WWOX: variants seen among roughly 807,000 people sequenced by gnomAD.
WWOX encodes the protein WW domain-containing oxidoreductase.
Under a neutral mutation model 46.2 loss-of-function variants are expected in WWOX, and 69 were observed. The ratio of observed to expected loss-of-function variants is 1.49; its 90% CI spans 1.23 to 1.82. WWOX has a LOEUF of 1.82. Ranked by LOEUF, WWOX falls within the 40% of genes most tolerant of loss-of-function variation. The pLI is 0.00. For synonymous variants in WWOX, 359 were observed against 202.6 expected, an observed-to-expected ratio of 1.77 and a Z score of -6.56; for missense variants, 919 against 542.6, an observed-to-expected ratio of 1.69 and a Z score of -6.89.
chr16:78,420,374 A>G (rs912265565), intron 6 of WWOX, among the ~76,000 whole-genome samples: 4 of 152,180 alleles, frequency 2.6e-5, no homozygotes, highest in Admixed American at 1.3e-4. Context: ...CCAAATATCC[A>G]TCATTGGTGA....
At chr16:78,679,815 A>AG (rs1182211907) in intron 8 of WWOX, among the ~76,000 whole-genome samples, 1 of 152,212 alleles carries the variant, frequency 6.6e-6, no homozygotes, top group African/African-American at 2.4e-5. Context: ...GCCTGCAGAA[A>AG]GAGACACTCA....
chr16:78,370,257 A>G (rs1482428713), intron 5 of WWOX, among the ~76,000 whole-genome samples: 1 of 152,060 alleles, frequency 6.6e-6, no homozygotes, highest in African/African-American at 2.4e-5. Flanking sequence ...TCTCTGCTTC[A>G]GTTTGCTCCT....
intron 8 of WWOX, among the ~76,000 whole-genome samples, chr16:79,123,485 C>T (rs547076721): frequency 6.6e-6 from 1 of 152,088 alleles, no homozygotes. Flanking sequence ...CTGATCTAGG[C>T]TCATTCATAC....
intron 8 of WWOX, 62 bp from the exon 9 acceptor site, chr16:79,211,546 T>G: frequency 1.2e-6 from 2 of 1,609,376 alleles, no homozygotes; most frequent in Non-Finnish European, 1.7e-6. Flanking sequence ...GCAGTCGAAA[T>G]GACGCCATCT....
rs1047682495 is a variant in WWOX, at chr16:78,500,299, C to T, written c.1056+67547C>T. On this transcript the variant is annotated intron_variant, in intron 8 of 8. Coordinates refer to ENST00000566780, the MANE Select transcript of WWOX (RefSeq NM_016373.4). ...TTGCTGTGGTTCCTAAGTCTCCATT[C>T]CGCTTGCCAAGATTAAATTGAATTA... Among the ~76,000 whole-genome samples the T allele has an allele frequency of 2.6e-5, 4 of 152,214 alleles. No homozygotes were observed. In the South Asian group the frequency reaches 6.2e-4, roughly 24 times the overall value.
At chr16:79,023,213 C>T (rs993351733) in intron 8 of WWOX, among the ~76,000 whole-genome samples, 5 of 152,198 alleles carry the variant, frequency 3.3e-5, no homozygotes, top group African/African-American at 1.2e-4. Context: ...GGAAAACAGT[C>T]CATCTTGTTG....
At chr16:78,995,934 G>A (rs1038842625) in intron 8 of WWOX, among the ~76,000 whole-genome samples, 1 of 152,132 alleles carries the variant, frequency 6.6e-6, no homozygotes, top group Admixed American at 6.5e-5. Flanking sequence ...GTGACAGTTC[G>A]ATTAATTTAT....
chr16:78,815,388 C>G (rs189772937), intron 8 of WWOX, among the ~76,000 whole-genome samples: 1 of 152,086 alleles, frequency 6.6e-6, no homozygotes, highest in African/African-American at 2.4e-5. Context: ...GCTGTTCCTG[C>G]TGTTACTAAC....
Position 78,884,273 on chromosome 16 carries a change from C to CAAAAAAAA in WWOX, c.1057-327322_1057-327315dup, listed in dbSNP as rs71384384. Among the ~76,000 whole-genome samples the CAAAAAAAA allele has an allele frequency of 1.5e-4, 7 of 46,598 alleles. 1 individual carries two copies. The highest frequency in any genetic ancestry group is 1.0e-3 in the East Asian group (2 of 1,986). The allele number at this position is 46,598 out of a possible 152,430, so 30.6% of individuals were successfully genotyped here. A position where few individuals can be genotyped will look rare whatever the true frequency, so the allele number is the denominator to read the frequency against. ...GGGTGACAGAGTGAGACCCTGTCTCCAAAAAAAAAAAAAAAAAAAACAAAA... is the reference window on the plus strand; with the variant it reads ...GGGTGACAGAGTGAGACCCTGTCTCCAAAAAAAAAAAAAAAAAAAAAAAAAAAACAAAA... On this transcript the variant is annotated intron_variant, in intron 8 of 8. Coordinates refer to ENST00000566780, the MANE Select transcript of WWOX (RefSeq NM_016373.4).
chr16:78,642,298 G>C (rs567948589), intron 8 of WWOX, among the ~76,000 whole-genome samples: 3 of 152,292 alleles, frequency 2.0e-5, no homozygotes, highest in South Asian at 4.1e-4. Context: ...GGAGGATAAA[G>C]GATAGGACTA....
Position 78,119,421 on chromosome 16 carries a change from C to T in WWOX, c.409+4267C>T, listed in dbSNP as rs549746437. 6.4e-4 allele frequency among the ~76,000 whole-genome samples: 97 copies of T among 152,254 alleles called. 1 individual carries two copies. Among genetic ancestry groups the T allele is most frequent in the African/African-American group, 2.2e-3 (91 of 41,520 alleles). On this transcript the variant is annotated intron_variant, in intron 4 of 8. Transcript: ENST00000566780. ...AGTATAAAATGCTGCCCCCTGCTAC[C>T]TGCAGGCTGACATGTTGCTCATCAA...
intron 6 of WWOX, among the ~76,000 whole-genome samples, chr16:78,398,679 T>C (rs2082343560): frequency 6.6e-6 from 1 of 152,234 alleles, no homozygotes; most frequent in Non-Finnish European, 1.5e-5. Context: ...ATCTTGGTCT[T>C]AGCTTGTAAT....
chr16:78,254,503 T>TTTTTTTTG (rs1555509555), intron 5 of WWOX, among the ~76,000 whole-genome samples: 1 of 28,948 alleles, frequency 3.5e-5, no homozygotes, highest in Admixed American at 3.1e-4. Flanking sequence ...TTCTTTCTTG[T>TTTTTTTTG]TTTTTTTTTT....
chr16:79,048,767 G>T (rs2048112373), intron 8 of WWOX, among the ~76,000 whole-genome samples: 1 of 152,176 alleles, frequency 6.6e-6, no homozygotes, highest in Non-Finnish European at 1.5e-5. Flanking sequence ...GCCAGTGGAG[G>T]CAGGAGCCTC....
At chr16:78,268,433 G>A (rs895792915) in intron 5 of WWOX, among the ~76,000 whole-genome samples, 2 of 152,206 alleles carry the variant, frequency 1.3e-5, no homozygotes, top group African/African-American at 4.8e-5. Context: ...CAGGAAAAGA[G>A]CTAACCTTTG....
intron 8 of WWOX, among the ~76,000 whole-genome samples, chr16:79,094,162 G>A (rs775486127): frequency 6.6e-6 from 1 of 151,692 alleles, no homozygotes; most frequent in Non-Finnish European, 1.5e-5. Flanking sequence ...TGCATGTAGG[G>A]TTGCTTGCAA....
At chr16:78,749,295 C>T (rs1328856575) in intron 8 of WWOX, among the ~76,000 whole-genome samples, 1 of 152,166 alleles carries the variant, frequency 6.6e-6, no homozygotes, top group East Asian at 1.9e-4. Context: ...GTTCAATCCT[C>T]TTCCCTACAG....
At chr16:79,000,428 C>G (rs1418845166) in intron 8 of WWOX, among the ~76,000 whole-genome samples, 1 of 152,170 alleles carries the variant, frequency 6.6e-6, no homozygotes, top group Non-Finnish European at 1.5e-5. Flanking sequence ...GAAAGATCAT[C>G]CTGGATTATC....
At position 79,212,209 on chromosome 16, in the gene WWOX, G is replaced by GAAAA. The variant is rs2051788009; in HGVS notation, c.*415_*418dup. 6.9e-7 allele frequency: 1 copy of GAAAA among 1,440,278 alleles called. No homozygotes were observed. The highest frequency in any genetic ancestry group is 1.4e-5 in the African/African-American group (1 of 69,802). The allele number at this position is 1,440,278 out of a possible 1,614,324, so 89.2% of individuals were successfully genotyped here. A position where few individuals can be genotyped will look rare whatever the true frequency, so the allele number is the denominator to read the frequency against. The stretch of plus-strand genomic sequence containing the variant: ...GGCTGGCCTTCTCCTACTTAGGGAA[G>GAAAA]AAAAAGCAAGTGTTCACTGCTCCTT... On this transcript the variant is annotated 3_prime_UTR_variant, in exon 9 of 9. Transcript: ENST00000566780.
Sources: allele counts gnomAD v4.1 joint callset (sites outside exome capture counted in the v4.1 genomes callset), GRCh38; gene constraint gnomAD v4.1.1; transcripts MANE v1.5; gene names NCBI Gene and HGNC (gene_info 2026-07-23, HGNC 2026-07-21).